Variants in RIOK3 observed in about 807,000 individuals in gnomAD.
The protein encoded by RIOK3 is RIO kinase 3.
RIOK3 carries 40 observed loss-of-function variants against 63.5 expected under a neutral mutation model. The observed-to-expected ratio is 0.63, with a 90% CI of 0.49 to 0.82. The LOEUF (loss-of-function observed/expected upper bound fraction) is 0.82, where lower values mean the gene tolerates loss of function less well. RIOK3 is among the 40% of genes least tolerant of loss of function. The pLI, the probability that RIOK3 is intolerant of heterozygous loss-of-function variation, is 0.00. For missense variants in RIOK3, 557 were observed against 637.0 expected (o/e 0.87, Z 1.35); for synonymous variants, 193 against 205.0 (o/e 0.94, Z 0.50).
At chr18:23,456,253 T>A (rs1336003371) in intron 1 of RIOK3, 2 of 152,374 alleles carry the variant, frequency 1.3e-5, no homozygotes, top group African/African-American at 4.8e-5. Flanking sequence ...GACTTCTTTA[T>A]ACTCTCAAAA....
At chr18:23,467,584 T>G in intron 7 of RIOK3, 58 bp downstream of exon 7, 2 of 1,507,426 alleles carry the variant, frequency 1.3e-6, no homozygotes, top group Non-Finnish European at 1.8e-6. Context: ...TCCCCAAGAT[T>G]AATGAATTTA....
At chr18:23,453,651 G>A (rs2057318989) in intron 1 of RIOK3, 149 bp downstream of exon 1, 2 of 707,078 alleles carry the variant, frequency 2.8e-6, no homozygotes, top group Non-Finnish European at 5.0e-6. Context: ...CCGCGGGGGT[G>A]CCGGGATGGG....
intron 1 of RIOK3, among the ~76,000 whole-genome samples, chr18:23,457,245 G>A (rs1460512667): frequency 1.3e-5 from 2 of 152,184 alleles, no homozygotes; most frequent in Non-Finnish European, 2.9e-5. Flanking sequence ...ATTCCAAGAA[G>A]AGAGGATTGG....
At chr18:23,479,086 A>G (rs1187968346) in intron 11 of RIOK3, 2 of 392,102 alleles carry the variant, frequency 5.1e-6, no homozygotes, top group African/African-American at 4.0e-5. Context: ...GATAACAAGG[A>G]TAACAGGAGT....
At chr18:23,455,667 C>T (rs930865642) in intron 1 of RIOK3, among the ~76,000 whole-genome samples, 2 of 151,550 alleles carry the variant, frequency 1.3e-5, no homozygotes, top group African/African-American at 4.8e-5. Flanking sequence ...TTAATTGAGA[C>T]AGGGTCTCAC....
intron 9 of RIOK3, among the ~76,000 whole-genome samples, chr18:23,476,351 A>G (rs899617215): frequency 7.9e-5 from 12 of 152,280 alleles, no homozygotes; most frequent in South Asian, 4.1e-4. Context: ...ACTTTATGCA[A>G]TCTCCACATG....
chr18:23,480,527 ATGAC>A (rs1470389540), intron 12 of RIOK3, among the ~76,000 whole-genome samples: 3 of 149,118 alleles, frequency 2.0e-5, no homozygotes, highest in Non-Finnish European at 3.0e-5. Flanking sequence ...ACATGTATGT[ATGAC>A]TATTTGTGTA....
intron 3 of RIOK3, 38 bp from the exon 4 acceptor site, chr18:23,464,168 G>T (rs755924858): frequency 6.2e-7 from 1 of 1,607,808 alleles, no homozygotes; most frequent in Non-Finnish European, 8.5e-7. Context: ...CTCATAATGT[G>T]CTCCTAAGTA....
chr18:23,470,658 T>C (rs983161818), intron 7 of RIOK3, among the ~76,000 whole-genome samples: 3 of 152,164 alleles, frequency 2.0e-5, no homozygotes, highest in Non-Finnish European at 4.4e-5. Context: ...GTTTAGGCAC[T>C]GAGAAGATTA....
rs2057316642 is a variant in RIOK3 at position 23,453,456 on chromosome 18, T to C, written c.17T>C (p.Val6Ala). Residue 6 changes from valine to alanine, a missense_variant, in exon 1 of 13, where the codon GTG becomes GCG. Physicochemically the swap from Val to Ala is moderately conservative, Grantham distance 64. This residue lies in a region of RIOK3 where 243 missense variants were observed against 275.4 expected (regional missense o/e 0.88). Coordinates refer to ENST00000339486, the MANE Select transcript of RIOK3 (RefSeq NM_003831.5). MDLVGVASPEPGTAAA... is the reference protein window; with the variant it reads MDLVGAASPEPGTAAA... ...CATTCCCGAATGGATCTGGTAGGAG[T>C]GGCATCGCCTGAGCCCGGGACGGCA... 6.2e-7 allele frequency: 1 copy of C among 1,613,508 alleles called. No individual in the cohort carries two copies. The highest frequency in any genetic ancestry group is 8.5e-7 in the Non-Finnish European group (1 of 1,179,790).
Position 23,461,085 on chromosome 18 carries a change from T to A in RIOK3, c.64-1879T>A, listed in dbSNP as rs572130105. ...AAATATAGTTATCATTTGTCGCCTT[T>A]AGGTGCTCCACCCAAACAGCCTGAG... On this transcript the variant is annotated intron_variant, in intron 1 of 12. Coordinates refer to ENST00000339486, the MANE Select transcript of RIOK3 (RefSeq NM_003831.5). Among the ~76,000 whole-genome samples the A allele has an allele frequency of 2.0e-5, 3 of 152,350 alleles. No homozygotes were observed. In the East Asian group the frequency reaches 5.8e-4, roughly 29 times the overall value.
rs1336328055 is a variant in RIOK3 at position 23,464,099 on chromosome 18, T to C, written c.312T>C (p.Asn104=). ...TTAGGCGTGAAGAAAAAAAATTCAA[T>C]GGAGATAGCAAAGGTATTATAACCT... The part of the protein sequence containing the change: ...AQLRREEKKF[N]GDSKVSISFE... The change falls in exon 3 of 13, where the codon AAT becomes AAC. Residue 104 remains asparagine (N), a synonymous_variant. Coordinates refer to ENST00000339486, the MANE Select transcript of RIOK3 (RefSeq NM_003831.5). The C allele has an allele frequency of 6.2e-7, 1 of 1,610,482 alleles. No homozygotes were observed. Among genetic ancestry groups the C allele is most frequent in the South Asian group, 1.1e-5 (1 of 90,482 alleles).
At chr18:23,466,313 A>AT in intron 6 of RIOK3, 37 bp downstream of exon 6, 1 of 1,467,008 alleles carries the variant, frequency 6.8e-7, no homozygotes. Context: ...CTTTTTTACT[A>AT]GAAAGATTCA....
chr18:23,473,515 A>G lies in RIOK3; in HGVS notation c.902A>G (p.Asn301Ser). The change falls in exon 8 of 13, where the codon AAT becomes AGT. Residue 301 changes from asparagine to serine, a missense_variant. Asn to Ser is a conservative substitution (Grantham distance 46). Transcript: ENST00000339486. ...VFKTTLNEFKNRDKYIKDDFR... is the reference protein window; with the variant it reads ...VFKTTLNEFKSRDKYIKDDFR... ...AAAACAACCCTTAATGAATTTAAGA[A>G]TCGTGACAAATATATTAAAGATGAT... The G allele has an allele frequency of 6.2e-7, 1 of 1,612,640 alleles. No individual in the cohort carries two copies. The highest frequency in any genetic ancestry group is 2.2e-5 in the East Asian group (1 of 44,816).
At chr18:23,464,675 A>G (rs761249632) in intron 5 of RIOK3, 47 bp downstream of exon 5, 2 of 1,117,822 alleles carry the variant, frequency 1.8e-6, no homozygotes, top group Admixed American at 2.6e-5. Flanking sequence ...TTTTGTTTGA[A>G]TACCTTTCAA....
Position 23,479,312 on chromosome 18 carries a change from A to T in RIOK3, c.1345-5A>T. On this transcript the variant is annotated splice_polypyrimidine_tract_variant and splice_region_variant and intron_variant, in intron 11 of 12. Coordinates refer to ENST00000339486, the MANE Select transcript of RIOK3 (RefSeq NM_003831.5). ...CTTACTGACTTTCTTGTATTTCCTT[A>T]CTAGTTTTTCCAGAAAGGAGGAGTC... The T allele has an allele frequency of 6.4e-7, 1 of 1,556,334 alleles. No individual in the cohort carries two copies. The highest frequency in any genetic ancestry group is 8.9e-7 in the Non-Finnish European group (1 of 1,127,696).
chr18:23,453,619 G>A lies in RIOK3; in HGVS notation c.63+117G>A, dbSNP rs549798960. Reference sequence around the variant, plus strand: ...GGAAGTTCTGGGGCGGGACCCCGCGGACCTCGGCAAGGGGGCACTGGCCGC... The same window carrying A: ...GGAAGTTCTGGGGCGGGACCCCGCGAACCTCGGCAAGGGGGCACTGGCCGC... On this transcript the variant is annotated intron_variant, in intron 1 of 12. Transcript: ENST00000339486. The A allele has an allele frequency of 2.8e-5, 24 of 866,328 alleles. No individual in the cohort carries two copies. In the African/African-American group the frequency reaches 3.8e-4, roughly 14 times the overall value. 53.7% of individuals were successfully genotyped at this position (866,328 alleles called of 1,614,324 possible). A position where few individuals can be genotyped will look rare whatever the true frequency, so the allele number is the denominator to read the frequency against.
chr18:23,480,933 A>G (rs1223171752), intron 12 of RIOK3, among the ~76,000 whole-genome samples: 1 of 152,192 alleles, frequency 6.6e-6, no homozygotes, highest in Non-Finnish European at 1.5e-5. Flanking sequence ...TAAAAATACA[A>G]AAATTAGCTG....
At chr18:23,469,620 G>A (rs898842359) in intron 7 of RIOK3, among the ~76,000 whole-genome samples, 8 of 150,838 alleles carry the variant, frequency 5.3e-5, no homozygotes, top group South Asian at 2.1e-4. Context: ...CCCCGGTAGC[G>A]GGGATTACAG....
Sources: allele counts gnomAD v4.1 joint callset (sites outside exome capture counted in the v4.1 genomes callset), GRCh38; gene constraint gnomAD v4.1.1; regional missense constraint gnomAD v4.1.1; transcripts MANE v1.5; gene names NCBI Gene and HGNC (gene_info 2026-07-23, HGNC 2026-07-21).